The following WDR26 variants were observed in gnomAD, a reference collection of about 807,000 sequenced individuals.
The protein encoded by WDR26 is WD repeat-containing protein 26.
In WDR26, 5 loss-of-function variants were observed where a neutral mutation model predicts 84.1. The observed-to-expected ratio is 0.06, with a 90% CI of 0.03 to 0.13. WDR26 has a LOEUF of 0.13. Among genes scored for constraint, WDR26 ranks in the 10% least tolerant of loss-of-function variants. The pLI is 1.00. For missense variants in WDR26, 642 were observed against 974.9 expected (o/e 0.66, Z 4.55); for synonymous variants, 415 against 389.6 (o/e 1.07, Z -0.77).
intron 1 of WDR26, among the ~76,000 whole-genome samples, chr1:224,432,482 G>C (rs1419037759): frequency 6.6e-6 from 1 of 152,190 alleles, no homozygotes; most frequent in Non-Finnish European, 1.5e-5. Flanking sequence ...GCACTTAAAA[G>C]ATTCATCAAC....
intron 13 of WDR26, among the ~76,000 whole-genome samples, chr1:224,391,518 T>C (rs1673127824): frequency 6.6e-6 from 1 of 152,170 alleles, no homozygotes; most frequent in African/African-American, 2.4e-5. Context: ...TTTACTGTGC[T>C]ACATTTTTCC....
Position 224,434,148 on chromosome 1 carries a change from G to C in WDR26, c.258C>G (p.Val86=), listed in dbSNP as rs1296524865. 7.0e-7 allele frequency: 1 copy of C among 1,422,224 alleles called. No homozygotes were observed. The highest frequency in any genetic ancestry group is 1.5e-5 in the African/African-American group (1 of 68,882). The allele number at this position is 1,422,224 out of a possible 1,614,324, so 88.1% of individuals were successfully genotyped here. ...GGCTGTGGCCGCTACTTCGGTGGGG[G>C]ACAGCAGCGGCGGCGGGAGGGGCAG... Residue 86 remains valine (V), a synonymous_variant, in exon 1 of 14, where the codon GTC becomes GTG. Coordinates refer to ENST00000414423, the MANE Select transcript of WDR26 (RefSeq NM_001379403.1).
rs367554560 is a variant in WDR26 at position 224,398,613 on chromosome 1, T to A, written c.1866-20A>T. 2 of 1,573,336 alleles carry A rather than the reference T, an allele frequency of 1.3e-6. No homozygotes were observed. The highest frequency in any genetic ancestry group is 2.7e-5 in the African/African-American group (2 of 73,042). ...TGTACTCTGGAACCAGAAAATAATT[T>A]GTCAAAAACAACATATTAACAGTCA... is the stretch of plus-strand genomic sequence containing the variant. On this transcript the variant is annotated intron_variant, in intron 10 of 13. Coordinates refer to ENST00000414423, the MANE Select transcript of WDR26 (RefSeq NM_001379403.1).
rs1470162563 is a variant in WDR26 at position 224,415,461 on chromosome 1, T to C, written c.1319+2799A>G. Among the ~76,000 whole-genome samples the C allele has an allele frequency of 9.0e-3, 760 of 84,674 alleles. 2 individuals are homozygous for C. The highest frequency in any genetic ancestry group is 0.036 in the African/African-American group (709 of 19,714). 55.5% of individuals were successfully genotyped at this position (84,674 alleles called of 152,430 possible). A position where few individuals can be genotyped will look rare whatever the true frequency, so the allele number is the denominator to read the frequency against. On this transcript the variant is annotated intron_variant, in intron 6 of 13. Coordinates refer to ENST00000414423, the MANE Select transcript of WDR26 (RefSeq NM_001379403.1). ...GGAACACGTATTTCTTTCTTTTTTTTTTTTTTTTTTTTTTTTTGAGACGGA... is the reference window on the plus strand; with the variant it reads ...GGAACACGTATTTCTTTCTTTTTTTCTTTTTTTTTTTTTTTTTGAGACGGA...
rs1255671059 is a variant in WDR26 at position 224,393,844 on chromosome 1, G to C, written c.2244C>G (p.Asp748Glu). The C allele has an allele frequency of 5.2e-6, 8 of 1,542,444 alleles. No homozygotes were observed. The South Asian group carries it at 9.5e-5, about 18-fold the overall frequency. ...AGGTATTACCTTCAATATTCTGGTG[G>C]TCTATAAAAGGTGCTGGTCCCCATA... The change falls in exon 13 of 14, where the codon GAC (aspartate) becomes GAG (glutamate). Residue 748 changes from aspartate (D) to glutamate (E), a missense_variant. Around this residue, in one of 2 missense-constraint regions of WDR26, gnomAD observed 351 missense variants for 672.8 expected, o/e 0.52. Coordinates refer to ENST00000414423, the MANE Select transcript of WDR26 (RefSeq NM_001379403.1).
At chr1:224,397,995 A>T in intron 12 of WDR26, 102 bp downstream of exon 12, 2 of 1,413,586 alleles carry the variant, frequency 1.4e-6, no homozygotes, top group Non-Finnish European at 1.9e-6. Context: ...AAAGAATTTT[A>T]ACTTACTACC....
At chr1:224,411,334 A>G (rs982412345) in intron 7 of WDR26, 93 bp downstream of exon 7, 1 of 1,335,328 alleles carries the variant, frequency 7.5e-7, no homozygotes, top group African/African-American at 1.5e-5. Context: ...AAAGAATACT[A>G]TTGATACATA....
At chr1:224,398,252 T>C in intron 11 of WDR26, 26 bp from the exon 12 acceptor site, 1 of 1,601,154 alleles carries the variant, frequency 6.2e-7, no homozygotes, top group Non-Finnish European at 8.5e-7. Flanking sequence ...AATACAGATA[T>C]TTAATCTGCC....
chr1:224,414,751 G>A (rs1411402245), intron 6 of WDR26, among the ~76,000 whole-genome samples: 1 of 152,156 alleles, frequency 6.6e-6, no homozygotes, highest in African/African-American at 2.4e-5. Context: ...AGGACAAGGT[G>A]GGAGGATCAC....
rs1454182239 is a variant in WDR26 at position 224,424,548 on chromosome 1, T to C, written c.1034A>G (p.Tyr345Cys). 1.2e-6 allele frequency: 2 copies of C among 1,614,082 alleles called. No individual in the cohort carries two copies. ...AAGAACATGAATGCGCTCTGTATTG[T>C]ATTTCAGCGGCGTCAATTCACAGCG... Residue 345 changes from tyrosine to cysteine, a missense_variant, in exon 4 of 14, where the codon TAC becomes TGC. Physicochemically the swap from Tyr to Cys is radical, Grantham distance 194. Around this residue, in one of 2 missense-constraint regions of WDR26, gnomAD observed 351 missense variants for 672.8 expected, o/e 0.52. Coordinates refer to ENST00000414423, the MANE Select transcript of WDR26 (RefSeq NM_001379403.1).
intron 3 of WDR26, chr1:224,429,872 TAAGAAA>T (rs1674336787): frequency 6.6e-6 from 1 of 152,010 alleles, no homozygotes; most frequent in African/African-American, 2.4e-5. Context: ...TATAAACAAA[TAAGAAA>T]AAAATAGGAA....
intron 3 of WDR26, among the ~76,000 whole-genome samples, chr1:224,425,257 A>T (rs1674176335): frequency 6.6e-6 from 1 of 152,246 alleles, no homozygotes; most frequent in South Asian, 2.1e-4. Context: ...TGAATTTCCT[A>T]CAACTAACGT....
intron 13 of WDR26, among the ~76,000 whole-genome samples, chr1:224,393,185 C>A (rs888520250): frequency 6.6e-6 from 1 of 152,148 alleles, no homozygotes; most frequent in Non-Finnish European, 1.5e-5. Context: ...TGGCACTCAA[C>A]AAGTGAATTA....
chr1:224,424,317 T>C (rs1314988973), intron 4 of WDR26, among the ~76,000 whole-genome samples: 1 of 152,200 alleles, frequency 6.6e-6, no homozygotes, highest in Non-Finnish European at 1.5e-5. Flanking sequence ...TCTTCTCCCT[T>C]TCACCCACTT....
chr1:224,419,400 C>A, intron 5 of WDR26, 118 bp downstream of exon 5: 2 of 801,564 alleles, frequency 2.5e-6, no homozygotes, highest in African/African-American at 1.7e-5. Context: ...GATTCTCCCT[C>A]TTCTAAGCAC....
chr1:224,396,984 A>C (rs1673284600), intron 12 of WDR26, among the ~76,000 whole-genome samples: 1 of 152,222 alleles, frequency 6.6e-6, no homozygotes, highest in Non-Finnish European at 1.5e-5. Context: ...TCTTTGTCCC[A>C]ATCCTTAAAT....
chr1:224,413,198 ACAAC>A, intron 6 of WDR26: 2 of 831,260 alleles, frequency 2.4e-6, no homozygotes, highest in Non-Finnish European at 3.1e-6. Context: ...AACAACAACA[ACAAC>A]AAAAACCCCC....
chr1:224,397,558 A>G (rs541028858), intron 12 of WDR26, among the ~76,000 whole-genome samples: 3 of 152,338 alleles, frequency 2.0e-5, no homozygotes, highest in South Asian at 4.1e-4. Flanking sequence ...AAAGGGTAGT[A>G]GTAGGAAGAA....
intron 5 of WDR26, among the ~76,000 whole-genome samples, chr1:224,418,758 G>GT (rs1673977464): frequency 6.6e-6 from 1 of 152,222 alleles, no homozygotes; most frequent in Non-Finnish European, 1.5e-5. Flanking sequence ...GAGACCAGGT[G>GT]TAAGTAAAAT....
Sources: allele counts gnomAD v4.1 joint callset (sites outside exome capture counted in the v4.1 genomes callset), GRCh38; gene constraint gnomAD v4.1.1; regional missense constraint gnomAD v4.1.1; transcripts MANE v1.5; gene names NCBI Gene and HGNC (gene_info 2026-07-23, HGNC 2026-07-21).